Variants in CHST15 observed in about 807,000 individuals in gnomAD.
The protein encoded by CHST15 is B cell RAG associated protein (GALNAC4S-6ST).
In CHST15, 30 loss-of-function variants were observed where a neutral mutation model predicts 53.6. That is an observed-to-expected ratio of 0.56 (90% CI 0.42 to 0.76). The LOEUF (loss-of-function observed/expected upper bound fraction) is 0.76, where lower values mean the gene tolerates loss of function less well. Among genes scored for constraint, CHST15 ranks in the 30% least tolerant of loss-of-function variants. The pLI is 0.00. For missense variants in CHST15, 627 were observed against 740.5 expected (o/e 0.85, Z 1.78); for synonymous variants, 296 against 289.8 (o/e 1.02, Z -0.22).
Position 124,010,147 on chromosome 10 carries a change from T to C in CHST15, c.*2A>G, listed in dbSNP as rs927651606. 2 of 1,612,470 alleles carry C rather than the reference T, an allele frequency of 1.2e-6. No homozygotes were observed. Among genetic ancestry groups the C allele is most frequent in the Admixed American group, 3.3e-5 (2 of 60,032 alleles). ...CCAGCACGTGCAGCAACAATTCAGC[T>C]CTCACGTCGTCTTCCACGCAAACGC... On this transcript the variant is annotated 3_prime_UTR_variant, in exon 8 of 8. Transcript: ENST00000435907.
intron 1 of CHST15, among the ~76,000 whole-genome samples, chr10:124,048,629 C>T (rs1186746814): frequency 2.0e-5 from 3 of 152,246 alleles, no homozygotes; most frequent in East Asian, 3.9e-4. Flanking sequence ...TACTTGGAAA[C>T]TCCATCATTA....
chr10:124,078,443 C>T (rs1400593911), intron 1 of CHST15, among the ~76,000 whole-genome samples: 1 of 152,206 alleles, frequency 6.6e-6, no homozygotes, highest in Non-Finnish European at 1.5e-5. Context: ...ACTAAATACT[C>T]AATGCAGCCT....
chr10:124,046,157 T>C lies in CHST15; in HGVS notation c.56A>G (p.Gln19Arg). Residue 19 changes from glutamine to arginine, a missense_variant, in exon 2 of 8, where the codon CAG becomes CGG. Around this residue, in one of 3 missense-constraint regions of CHST15, gnomAD observed 187 missense variants for 251.8 expected, o/e 0.74. Coordinates refer to ENST00000435907, the MANE Select transcript of CHST15 (RefSeq NM_001270764.2). ...GGGGCCCCCTTGGCAGTTGACCTGCTGCTTGTGTGCGCCGTCGGGTAACAG... is the reference window on the plus strand; with the variant it reads ...GGGGCCCCCTTGGCAGTTGACCTGCCGCTTGTGTGCGCCGTCGGGTAACAG... ...IQLLPDGAHK[Q>R]QVNCQGGPHH... The C allele has an allele frequency of 6.2e-7, 1 of 1,614,076 alleles. No individual in the cohort carries two copies. Among genetic ancestry groups the C allele is most frequent in the Non-Finnish European group, 8.5e-7 (1 of 1,179,972 alleles).
Position 124,046,280 on chromosome 10 carries a change from CCG to C in CHST15, c.-70_-69del. Reference sequence around the variant, plus strand: ...GTGGGCCCCCCACGAGTCTGGATGTCCGCAAGTCGTGCTAGAAAACCTTAAGA... The same window carrying C: ...GTGGGCCCCCCACGAGTCTGGATGTCCAAGTCGTGCTAGAAAACCTTAAGA... On this transcript the variant is annotated 5_prime_UTR_variant, in exon 2 of 8. Coordinates refer to ENST00000435907, the MANE Select transcript of CHST15 (RefSeq NM_001270764.2). The C allele has an allele frequency of 6.9e-7, 1 of 1,452,724 alleles. No homozygotes were observed. Among genetic ancestry groups the C allele is most frequent in the South Asian group, 1.4e-5 (1 of 73,590 alleles). The allele number at this position is 1,452,724 out of a possible 1,614,324, so 90.0% of individuals were successfully genotyped here. A position where few individuals can be genotyped will look rare whatever the true frequency, so the allele number is the denominator to read the frequency against.
intron 1 of CHST15, among the ~76,000 whole-genome samples, chr10:124,062,719 G>A (rs76651638): frequency 0.02 from 3,053 of 152,168 alleles, 102 homozygotes; most frequent in African/African-American, 0.069. Flanking sequence ...AGACCCAGCC[G>A]AGCCGGAATC....
At chr10:124,083,837 A>G (rs528489849) in intron 1 of CHST15, among the ~76,000 whole-genome samples, 2 of 152,224 alleles carry the variant, frequency 1.3e-5, no homozygotes, top group East Asian at 3.9e-4. Context: ...TCTGGAACAT[A>G]TTTTCTTTAT....
At chr10:124,049,944 G>A (rs1474780208) in intron 1 of CHST15, among the ~76,000 whole-genome samples, 1 of 152,160 alleles carries the variant, frequency 6.6e-6, no homozygotes. Context: ...GCCTCTGGTA[G>A]GGGCAGACTT....
chr10:124,061,480 C>A (rs891403775), intron 1 of CHST15, among the ~76,000 whole-genome samples: 1 of 152,212 alleles, frequency 6.6e-6, no homozygotes, highest in African/African-American at 2.4e-5. Context: ...TCTAATTAAA[C>A]CCCTTATTCT....
rs183796429 is a variant in CHST15 at position 124,081,457 on chromosome 10, A to G, written c.-513+12012T>C. ...GACTTGATGTAACAGCTGATGTAGG[A>G]CCAAAGTATGTGCATTTCTTTCAAT... On this transcript the variant is annotated intron_variant, in intron 1 of 7. Coordinates refer to ENST00000435907, the MANE Select transcript of CHST15 (RefSeq NM_001270764.2). 1.5e-3 allele frequency among the ~76,000 whole-genome samples: 232 copies of G among 152,334 alleles called. 2 individuals carry two copies. Among genetic ancestry groups the G allele is most frequent in the African/African-American group, 5.5e-3 (228 of 41,562 alleles).
Position 124,019,176 on chromosome 10 carries a change from C to G in CHST15, c.1347+2080G>C, listed in dbSNP as rs1016699293. On this transcript the variant is annotated intron_variant, in intron 6 of 7. Coordinates refer to ENST00000435907, the MANE Select transcript of CHST15 (RefSeq NM_001270764.2). This position sits in a 1 kb window ranked among gnomAD's most constrained non-coding sequence, Gnocchi z 4.6. ...GCAACTTGATTCGTGTCTGTCAGCA[C>G]ACTGGGCACCCCTCTCTGCTCAGCA... Among the ~76,000 whole-genome samples the G allele has an allele frequency of 6.6e-6, 1 of 152,150 alleles. No individual in the cohort carries two copies. Among genetic ancestry groups the G allele is most frequent in the East Asian group, 1.9e-4 (1 of 5,180 alleles).
Position 124,008,855 on chromosome 10 carries a change from A to G in CHST15, c.*1294T>C, listed in dbSNP as rs992080067. ...CAAGGATGCTCAAGCGTTCTCTTCA[A>G]TCTTCCCTGTGACTTCCAAGAAACG... On this transcript the variant is annotated 3_prime_UTR_variant, in exon 8 of 8. Coordinates refer to ENST00000435907, the MANE Select transcript of CHST15 (RefSeq NM_001270764.2). 3.2e-5 allele frequency: 41 copies of G among 1,263,950 alleles called. 1 individual carries two copies. In the Admixed American group the frequency reaches 5.9e-4, roughly 18 times the overall value. The allele number at this position is 1,263,950 out of a possible 1,614,324, so 78.3% of individuals were successfully genotyped here.
intron 5 of CHST15, among the ~76,000 whole-genome samples, chr10:124,032,771 T>TC: frequency 7.1e-6 from 1 of 141,798 alleles, no homozygotes; most frequent in African/African-American, 2.7e-5. Context: ...ATATGAACCA[T>TC]CCCATCCACT....
At chr10:124,085,794 G>A (rs1357458179) in intron 1 of CHST15, among the ~76,000 whole-genome samples, 1 of 152,188 alleles carries the variant, frequency 6.6e-6, no homozygotes, top group East Asian at 1.9e-4. Flanking sequence ...GCTGGGGAAG[G>A]GAGGTACGGG....
At chr10:124,069,089 C>T (rs186558296) in intron 1 of CHST15, among the ~76,000 whole-genome samples, 64 of 152,316 alleles carry the variant, frequency 4.2e-4, no homozygotes, top group African/African-American at 1.5e-3. Flanking sequence ...AAAGGACAGT[C>T]CCTTGTCTCT....
intron 6 of CHST15, among the ~76,000 whole-genome samples, chr10:124,016,241 A>G (rs1946581407): frequency 6.6e-6 from 1 of 151,876 alleles, no homozygotes; most frequent in African/African-American, 2.4e-5. Context: ...GAAGGCGGTG[A>G]ATGACTCCAG....
chr10:124,034,492 G>A (rs963040364), intron 5 of CHST15, among the ~76,000 whole-genome samples: 1 of 151,816 alleles, frequency 6.6e-6, no homozygotes, highest in African/African-American at 2.4e-5. Flanking sequence ...AGAACTCCAG[G>A]AAGAAAGAAA....
chr10:124,012,357 T>C lies in CHST15; in HGVS notation c.1471A>G (p.Lys491Glu). The part of the protein sequence containing the change: ...HASNVKYTMH[K>E]VFQFLNLGPL... ...CCTAGGTTCAGAAACTGGAAGACCT[T>C]GTGCATGGTGTACTTGACGTTGGAT... Residue 491 changes from lysine (K) to glutamate (E), a missense_variant, in exon 7 of 8, where the codon AAG becomes GAG. This residue lies in a region of CHST15 where 279 missense variants were observed against 371.6 expected (regional missense o/e 0.75). Transcript: ENST00000435907. 6.2e-7 allele frequency: 1 copy of C among 1,614,112 alleles called. No individual in the cohort carries two copies. The highest frequency in any genetic ancestry group is 1.1e-5 in the South Asian group (1 of 91,074).
intron 1 of CHST15, among the ~76,000 whole-genome samples, chr10:124,085,721 C>G (rs1406953223): frequency 6.6e-6 from 1 of 152,050 alleles, no homozygotes; most frequent in African/African-American, 2.4e-5. Context: ...GGGACAGGGT[C>G]AAGGTTGAGA....
intron 1 of CHST15, among the ~76,000 whole-genome samples, chr10:124,061,827 C>T (rs1016199376): frequency 2.0e-5 from 3 of 152,030 alleles, no homozygotes; most frequent in East Asian, 3.9e-4. Context: ...TTGCCTCCCT[C>T]GTCAGATCAG....
Sources: allele counts gnomAD v4.1 joint callset (sites outside exome capture counted in the v4.1 genomes callset), GRCh38; gene constraint gnomAD v4.1.1; regional missense constraint gnomAD v4.1.1; non-coding constraint Gnocchi (gnomAD v3.1); transcripts MANE v1.5; gene names NCBI Gene and HGNC (gene_info 2026-07-23, HGNC 2026-07-21).